The following DAPK1 variants were observed in gnomAD, a reference collection of about 807,000 sequenced individuals.
The protein encoded by DAPK1 is death associated protein kinase 1, also known as death-associated protein kinase 1.
Under a neutral mutation model 144.9 loss-of-function variants are expected in DAPK1, and 56 were observed. The observed-to-expected ratio is 0.39, with a 90% confidence interval of 0.31 to 0.48. The LOEUF (loss-of-function observed/expected upper bound fraction) is 0.48. Ranked by LOEUF, DAPK1 falls within the 20% of genes least tolerant of loss-of-function variation. The pLI is 0.95. For missense variants in DAPK1, 1,454 were observed against 1,875.4 expected (o/e 0.78, Z 4.15); for synonymous variants, 690 against 749.0 (o/e 0.92, Z 1.29).
At chr9:87,600,700 A>G (rs1046772201) in intron 2 of DAPK1, among the ~76,000 whole-genome samples, 3 of 152,346 alleles carry the variant, frequency 2.0e-5, no homozygotes, top group African/African-American at 7.2e-5. Context: ...CATAGCATGC[A>G]AAGAATTTCT....
intron 2 of DAPK1, among the ~76,000 whole-genome samples, chr9:87,603,847 C>T (rs761274926): frequency 5.3e-5 from 8 of 152,256 alleles, no homozygotes; most frequent in Admixed American, 2.0e-4. Context: ...ACTGCCTACC[C>T]CTTATTATTT....
At chr9:87,705,515 C>T (rs775428615) in intron 25 of DAPK1, among the ~76,000 whole-genome samples, 1 of 152,172 alleles carries the variant, frequency 6.6e-6, no homozygotes, top group Non-Finnish European at 1.5e-5. Context: ...AGTCACGGTG[C>T]CCAGCCTACT....
In DAPK1 at chr9:87,698,573, C is replaced by G. The variant is rs565318203; in HGVS notation, c.2612-83C>G. The stretch of plus-strand genomic sequence containing the variant: ...CTGGAGAGTCGGCCTGGGCATGAGG[C>G]CAACACACCGCCCTCACCTGGGCAG... On this transcript the variant is annotated intron_variant, in intron 22 of 25. Transcript: ENST00000408954. 219 of 832,596 alleles carry G rather than the reference C, an allele frequency of 2.6e-4. 3 individuals are homozygous for G. The South Asian group carries it at 3.2e-3, about 12-fold the overall frequency. The allele number at this position is 832,596 out of a possible 1,614,324, so 51.6% of individuals were successfully genotyped here.
intron 24 of DAPK1, among the ~76,000 whole-genome samples, chr9:87,702,511 G>A (rs1217667792): frequency 2.6e-5 from 4 of 152,006 alleles, no homozygotes; most frequent in East Asian, 1.9e-4. Context: ...AAACAGTCAC[G>A]AGAGAGAGAG....
At chr9:87,608,180 G>C (rs1158826079) in intron 3 of DAPK1, among the ~76,000 whole-genome samples, 1 of 152,192 alleles carries the variant, frequency 6.6e-6, no homozygotes. Flanking sequence ...CATGAGATTT[G>C]GATGGAGGCA....
At chr9:87,537,081 G>T (rs1488366415) in intron 2 of DAPK1, among the ~76,000 whole-genome samples, 3 of 151,904 alleles carry the variant, frequency 2.0e-5, no homozygotes, top group Non-Finnish European at 4.4e-5. Flanking sequence ...CTGCCTCCTG[G>T]GTTCAAGCGA....
chr9:87,592,347 G>T (rs1307483333), intron 2 of DAPK1, among the ~76,000 whole-genome samples: 1 of 152,166 alleles, frequency 6.6e-6, no homozygotes, highest in Non-Finnish European at 1.5e-5. Context: ...CCCCTTCCCT[G>T]CCAGGGGATT....
At chr9:87,592,687 G>A (rs1015824199) in intron 2 of DAPK1, among the ~76,000 whole-genome samples, 3 of 152,190 alleles carry the variant, frequency 2.0e-5, no homozygotes, top group African/African-American at 4.8e-5. Flanking sequence ...TGCTCGGATC[G>A]GGCCGCGGGG....
chr9:87,703,727 G>A (rs1279164724), intron 25 of DAPK1, among the ~76,000 whole-genome samples: 2 of 152,168 alleles, frequency 1.3e-5, no homozygotes, highest in East Asian at 3.9e-4. Context: ...AATTAAAGAT[G>A]CACATTAAAA....
At chr9:87,663,240 T>C (rs574196684) in intron 18 of DAPK1, among the ~76,000 whole-genome samples, 5 of 152,280 alleles carry the variant, frequency 3.3e-5, no homozygotes, top group African/African-American at 1.2e-4. Flanking sequence ...CTGACAGCTT[T>C]CCTTCTAAAC....
intron 2 of DAPK1, among the ~76,000 whole-genome samples, chr9:87,576,396 C>T (rs1187601228): frequency 1.3e-5 from 2 of 152,184 alleles, no homozygotes; most frequent in Non-Finnish European, 2.9e-5. Context: ...TCTTCAGGCG[C>T]GTGTTTGCTT....
intron 3 of DAPK1, among the ~76,000 whole-genome samples, chr9:87,629,570 GTC>G (rs1189744742): frequency 1.3e-5 from 2 of 152,082 alleles, no homozygotes; most frequent in African/African-American, 4.8e-5. Flanking sequence ...AGAGATGGGG[GTC>G]TCACTGTGTT....
chr9:87,628,275 C>T (rs1829551731), intron 3 of DAPK1, among the ~76,000 whole-genome samples: 1 of 152,200 alleles, frequency 6.6e-6, no homozygotes, highest in South Asian at 2.1e-4. Context: ...TATTCAGATA[C>T]AGCTTGCATT....
chr9:87,560,430 C>T (rs1012422168), intron 2 of DAPK1, among the ~76,000 whole-genome samples: 7 of 152,152 alleles, frequency 4.6e-5, no homozygotes, highest in Non-Finnish European at 1.0e-4. Context: ...TGTTGCGTGA[C>T]ACTTCCCCAG....
intron 3 of DAPK1, among the ~76,000 whole-genome samples, chr9:87,607,281 G>A (rs1587763798): frequency 6.6e-6 from 1 of 152,286 alleles, no homozygotes; most frequent in East Asian, 1.9e-4. Flanking sequence ...ATCCTTTCTT[G>A]TCTTTAAGCC....
intron 19 of DAPK1, among the ~76,000 whole-genome samples, chr9:87,677,282 C>T (rs997338172): frequency 5.9e-5 from 9 of 152,228 alleles, no homozygotes; most frequent in African/African-American, 2.2e-4. Context: ...AGGGAAGTCA[C>T]AGGCATAGCT....
intron 18 of DAPK1, among the ~76,000 whole-genome samples, chr9:87,667,163 A>G (rs1831089475): frequency 6.6e-6 from 1 of 152,268 alleles, no homozygotes; most frequent in African/African-American, 2.4e-5. Context: ...TTTGGCATGG[A>G]TCCCTGGTTG....
intron 3 of DAPK1, chr9:87,632,204 T>C: frequency 2.1e-6 from 2 of 953,942 alleles, no homozygotes; most frequent in Non-Finnish European, 2.5e-6. Flanking sequence ...TGAAGGAGGA[T>C]GAGTATATAT....
chr9:87,657,110 T>C (rs79553658), intron 17 of DAPK1, among the ~76,000 whole-genome samples: 2 of 152,198 alleles, frequency 1.3e-5, no homozygotes, highest in African/African-American at 2.4e-5. Flanking sequence ...AATTAGTTTT[T>C]TCATGGTTCC....
Sources: gnomAD v4.1 joint callset for allele counts (sites outside exome capture counted in the v4.1 genomes callset) on GRCh38, gnomAD v4.1.1 for gene constraint, MANE v1.5 for transcripts, NCBI Gene and HGNC (gene_info 2026-07-23, HGNC 2026-07-21) for gene names.